Variants in BCR observed in about 807,000 individuals in gnomAD.
The protein encoded by BCR is BCR activator of RhoGEF and GTPase.
BCR carries 58 observed loss-of-function variants against 138.6 expected under a neutral mutation model. That is an observed-to-expected ratio of 0.42 (90% CI 0.34 to 0.52). BCR has a LOEUF of 0.52. Among genes scored for constraint, BCR ranks in the 20% least tolerant of loss-of-function variants. The pLI is 0.06. For synonymous variants in BCR, 786 were observed against 730.1 expected, an observed-to-expected ratio of 1.08 and a Z score of -1.23; for missense variants, 1,599 against 1,727.2, an observed-to-expected ratio of 0.93 and a Z score of 1.32.
intron 13 of BCR, 194 bp downstream of exon 13, chr22:23,289,815 G>A (rs905982476): frequency 1.7e-6 from 1 of 598,674 alleles, no homozygotes; most frequent in East Asian, 2.8e-5. Context: ...GTTTCTCCCT[G>A]AGTGGCTGCT....
chr22:23,228,460 T>C (rs1482676211), intron 1 of BCR, among the ~76,000 whole-genome samples: 1 of 152,242 alleles, frequency 6.6e-6, no homozygotes, highest in Non-Finnish European at 1.5e-5. Context: ...AGTTTCCTAT[T>C]GCAGCTGCAA....
chr22:23,306,212 G>A (rs1261150789), intron 16 of BCR: 1 of 152,222 alleles, frequency 6.6e-6, no homozygotes, highest in Non-Finnish European at 1.5e-5. Flanking sequence ...CACAGAGAGG[G>A]GCCCGATAAA....
intron 1 of BCR, among the ~76,000 whole-genome samples, chr22:23,234,622 C>T (rs2033491986): frequency 1.3e-5 from 2 of 152,154 alleles, no homozygotes; most frequent in Admixed American, 1.3e-4. Context: ...GAATGGTGGG[C>T]TGTGAAGAAC....
chr22:23,309,458 A>T lies in BCR; in HGVS notation c.3047A>T (p.Gln1016Leu). 2 of 1,604,688 alleles carry T rather than the reference A, an allele frequency of 1.2e-6. No individual in the cohort carries two copies. Among genetic ancestry groups the T allele is most frequent in the Non-Finnish European group, 1.7e-6 (2 of 1,175,432 alleles). The part of the protein sequence containing the change: ...DPQALQDRDW[Q>L]RTVIAMNGIE... Reference sequence around the variant, plus strand: ...CAGGCCCTGCAGGACAGAGACTGGCAGCGCACCGTCATCGCCATGAATGGG... The same window carrying T: ...CAGGCCCTGCAGGACAGAGACTGGCTGCGCACCGTCATCGCCATGAATGGG... The change falls in exon 17 of 23, where the codon CAG becomes CTG. Residue 1016 changes from glutamine (Q) to leucine (L), a missense_variant. Gln to Leu is a moderately radical substitution (Grantham distance 113). Around this residue, in one of 4 missense-constraint regions of BCR, gnomAD observed 590 missense variants for 762.4 expected, o/e 0.77. Transcript: ENST00000305877.
intron 8 of BCR, among the ~76,000 whole-genome samples, chr22:23,275,084 G>C (rs1204661007): frequency 2.6e-5 from 4 of 152,176 alleles, no homozygotes; most frequent in Non-Finnish European, 5.9e-5. Flanking sequence ...CAGGCAGGCA[G>C]CTGTCAGCCC....
chr22:23,296,617 A>G (rs1344401977), intron 16 of BCR, among the ~76,000 whole-genome samples: 3 of 152,120 alleles, frequency 2.0e-5, no homozygotes, highest in African/African-American at 7.2e-5. Context: ...AGTGGCTCAG[A>G]GCCTCCTGGG....
intron 14 of BCR, chr22:23,290,739 C>T (rs577434057): frequency 8.5e-6 from 3 of 352,396 alleles, no homozygotes; most frequent in South Asian, 3.1e-5. Flanking sequence ...AGTGTGGGGT[C>T]CAAGCCAGGA....
chr22:23,227,438 TGGAATTGCAGCCATCCTGTA>T (rs1366871882), intron 1 of BCR, among the ~76,000 whole-genome samples: 1 of 152,194 alleles, frequency 6.6e-6, no homozygotes, highest in African/African-American at 2.4e-5. Context: ...GGGAATTAGC[TGGAATTGCAGCCATCCTGTA>T]GGACATAAGG....
intron 4 of BCR, chr22:23,263,266 G>A (rs1358641521): frequency 1.0e-5 from 11 of 1,095,462 alleles, no homozygotes; most frequent in African/African-American, 4.6e-5. Context: ...CTCGACATGC[G>A]GGCCCTCGGC....
chr22:23,225,516 T>G (rs2072880869), intron 1 of BCR, among the ~76,000 whole-genome samples: 1 of 152,226 alleles, frequency 6.6e-6, no homozygotes, highest in Admixed American at 6.5e-5. Context: ...CTCAGTCTCC[T>G]TCAGTCTGCA....
At chr22:23,307,010 T>C (rs1239153031) in intron 16 of BCR, among the ~76,000 whole-genome samples, 1 of 152,212 alleles carries the variant, frequency 6.6e-6, no homozygotes, top group Non-Finnish European at 1.5e-5. Flanking sequence ...TTCTGGGTTT[T>C]CAAGGGGAGA....
chr22:23,235,528 C>G lies in BCR; in HGVS notation c.1280-18271C>G, dbSNP rs114318894. Among the ~76,000 whole-genome samples, 5 of 113,926 alleles carry G rather than the reference C, an allele frequency of 4.4e-5. No homozygotes were observed. In the East Asian group the frequency reaches 1.0e-3, roughly 24 times the overall value. 74.7% of individuals were successfully genotyped at this position (113,926 alleles called of 152,430 possible). A position where few individuals can be genotyped will look rare whatever the true frequency, so the allele number is the denominator to read the frequency against. Reference sequence around the variant, plus strand: ...GGTGGCGAGGACATAGATGTCCAGGCCCATGTGTTCCACGGCATAATGTGG... The same window carrying G: ...GGTGGCGAGGACATAGATGTCCAGGGCCATGTGTTCCACGGCATAATGTGG... On this transcript the variant is annotated intron_variant, in intron 1 of 22. Transcript: ENST00000305877.
chr22:23,210,363 G>A (rs1041009958), intron 1 of BCR, among the ~76,000 whole-genome samples: 11 of 151,220 alleles, frequency 7.3e-5, no homozygotes, highest in Non-Finnish European at 1.5e-4. Context: ...GTTGCGGTGA[G>A]CCACAATTGT....
intron 2 of BCR, among the ~76,000 whole-genome samples, chr22:23,258,812 C>G (rs116156193): frequency 5.3e-5 from 8 of 152,352 alleles, no homozygotes; most frequent in African/African-American, 1.9e-4. Flanking sequence ...CTGCCCGCAG[C>G]CAGTGATTTT....
rs1424702934 is a variant in BCR at position 23,221,630 on chromosome 22, A to G, written c.1280-32169A>G. On this transcript the variant is annotated intron_variant, in intron 1 of 22. Transcript: ENST00000305877. ...TTCTTAGAGAAAGCTGCTGGCTCTG[A>G]TTAGGTCTGGTAGGGGGCAGGGTCC... Among the ~76,000 whole-genome samples, 3 of 152,310 alleles carry G rather than the reference A, an allele frequency of 2.0e-5. No homozygotes were observed. In the East Asian group the frequency reaches 5.8e-4, roughly 29 times the overall value.
At chr22:23,233,789 CAAA>C (rs59819093) in intron 1 of BCR, among the ~76,000 whole-genome samples, 378 of 70,078 alleles carry the variant, frequency 5.4e-3, no homozygotes, top group African/African-American at 0.018. Flanking sequence ...GACCCTGTCT[CAAA>C]AAAAAAAAAA....
chr22:23,292,804 A>G lies in BCR; in HGVS notation c.2880+166A>G, dbSNP rs140953392. On this transcript the variant is annotated intron_variant, in intron 15 of 22. Transcript: ENST00000305877. Reference sequence around the variant, plus strand: ...GGCCAGTAGGTGACGTGTCCAAGAGATTTTATCTCCTTGTTCCTGAAAACC... The same window carrying G: ...GGCCAGTAGGTGACGTGTCCAAGAGGTTTTATCTCCTTGTTCCTGAAAACC... Among the ~76,000 whole-genome samples the G allele has an allele frequency of 7.6e-4, 115 of 152,060 alleles. 3 individuals carry two copies. In the East Asian group the frequency reaches 0.017, roughly 23 times the overall value.
intron 16 of BCR, among the ~76,000 whole-genome samples, chr22:23,305,468 C>A (rs1026432298): frequency 1.6e-4 from 25 of 152,206 alleles, no homozygotes; most frequent in African/African-American, 5.8e-4. Context: ...ATTGGTGACT[C>A]AATCCAGCCA....
chr22:23,189,996 A>C (rs2072394075), intron 1 of BCR, among the ~76,000 whole-genome samples: 1 of 152,126 alleles, frequency 6.6e-6, no homozygotes, highest in African/African-American at 2.4e-5. Context: ...AAATAACAGA[A>C]ATATATTTTC....
Sources: allele counts gnomAD v4.1 joint callset (sites outside exome capture counted in the v4.1 genomes callset), GRCh38; gene constraint gnomAD v4.1.1; regional missense constraint gnomAD v4.1.1; transcripts MANE v1.5; gene names NCBI Gene and HGNC (gene_info 2026-07-23, HGNC 2026-07-21).